Variants in ALDH1A2 observed in about 807,000 individuals in gnomAD.
The protein encoded by ALDH1A2 is retinal dehydrogenase 2.
ALDH1A2 carries 27 observed loss-of-function variants against 60.3 expected under a neutral mutation model. The ratio of observed to expected loss-of-function variants is 0.45; its 90% CI spans 0.33 to 0.62. The LOEUF (loss-of-function observed/expected upper bound fraction) is 0.62, where lower values mean the gene tolerates loss of function less well. Among genes scored for constraint, ALDH1A2 ranks in the 20% least tolerant of loss-of-function variants. The probability of loss-of-function intolerance (pLI) is 0.02; values close to 1 mark genes in which losing one functional copy is unlikely to be tolerated. For missense variants in ALDH1A2, 581 were observed against 643.8 expected, an observed-to-expected ratio of 0.90 and a Z score of 1.06; for synonymous variants, 289 against 232.4, an observed-to-expected ratio of 1.24 and a Z score of -2.21.
chr15:57,986,479 T>C (rs1894702698), intron 7 of ALDH1A2, among the ~76,000 whole-genome samples: 1 of 150,192 alleles, frequency 6.7e-6, no homozygotes, highest in South Asian at 2.1e-4. Context: ...AAAAAAAAGT[T>C]TGACATTCTT....
intron 1 of ALDH1A2, among the ~76,000 whole-genome samples, chr15:58,029,279 T>A (rs988940192): frequency 6.6e-6 from 1 of 152,172 alleles, no homozygotes; most frequent in Non-Finnish European, 1.5e-5. Flanking sequence ...CTGAACAACC[T>A]GCTCCTGAAT....
chr15:58,029,160 G>A (rs536189233), intron 1 of ALDH1A2, among the ~76,000 whole-genome samples: 1 of 152,182 alleles, frequency 6.6e-6, no homozygotes, highest in Non-Finnish European at 1.5e-5. Context: ...ACACTCCTCA[G>A]CAAATGTAAA....
chr15:57,970,345 C>A (rs1398980858), intron 7 of ALDH1A2, among the ~76,000 whole-genome samples: 2 of 152,172 alleles, frequency 1.3e-5, no homozygotes, highest in Non-Finnish European at 2.9e-5. Context: ...GAACTGGGGG[C>A]TCCTCCACAC....
intron 7 of ALDH1A2, among the ~76,000 whole-genome samples, chr15:57,988,933 C>G (rs1339769146): frequency 6.6e-6 from 1 of 152,154 alleles, no homozygotes; most frequent in East Asian, 1.9e-4. Context: ...TTTTGGGAGG[C>G]TGAGGCTGGT....
In ALDH1A2 at chr15:57,976,512, T is replaced by C. The variant is rs8032726; in HGVS notation, c.799-10685A>G. Among the ~76,000 whole-genome samples the C allele has an allele frequency of 2.4e-3, 365 of 152,258 alleles. 1 individual carries two copies. The highest frequency in any genetic ancestry group is 8.4e-3 in the African/African-American group (350 of 41,544). On this transcript the variant is annotated intron_variant, in intron 7 of 12. Transcript: ENST00000249750. Reference sequence around the variant, plus strand: ...ACTCTCACTTATGAATGAGAACATATGGTGTTTGGTTTTCTGTTTGTGTTA... The same window carrying C: ...ACTCTCACTTATGAATGAGAACATACGGTGTTTGGTTTTCTGTTTGTGTTA...
intron 7 of ALDH1A2, 56 bp downstream of exon 7, chr15:57,992,649 A>G (rs1894933892): frequency 4.7e-6 from 7 of 1,490,964 alleles, no homozygotes; most frequent in Non-Finnish European, 6.5e-6. Flanking sequence ...TGTTTTTGTA[A>G]CCCCTCAACT....
rs149278908 is a variant in ALDH1A2, at chr15:58,059,437, G to T, written c.117+6097C>A. 1.8e-4 allele frequency among the ~76,000 whole-genome samples: 28 copies of T among 152,232 alleles called. 1 individual carries two copies. In the East Asian group the frequency reaches 5.4e-3, roughly 29 times the overall value. On this transcript the variant is annotated intron_variant, in intron 1 of 12. Transcript: ENST00000249750. ...TCCATATGTTATCTTGGACAGTCAG[G>T]ACTAGTAAAAGTTTCTTCGTTTTTA... is the stretch of plus-strand genomic sequence containing the variant.
At chr15:58,017,879 T>C (rs1301331352) in intron 1 of ALDH1A2, among the ~76,000 whole-genome samples, 1 of 152,180 alleles carries the variant, frequency 6.6e-6, no homozygotes, top group Non-Finnish European at 1.5e-5. Flanking sequence ...TTTCCTGGTG[T>C]GCCAAAATTA....
intron 4 of ALDH1A2, among the ~76,000 whole-genome samples, chr15:58,003,534 A>AT (rs1448871437): frequency 2.0e-5 from 3 of 151,898 alleles, no homozygotes; most frequent in African/African-American, 7.2e-5. Context: ...TCGTAAGTCC[A>AT]TTTTAATATC....
intron 7 of ALDH1A2, among the ~76,000 whole-genome samples, chr15:57,985,155 G>C (rs1894654401): frequency 6.6e-6 from 1 of 152,100 alleles, no homozygotes; most frequent in Non-Finnish European, 1.5e-5. Context: ...CCAATGCCTT[G>C]ATGTGCATAT....
intron 1 of ALDH1A2, among the ~76,000 whole-genome samples, chr15:58,047,681 G>A (rs940929176): frequency 6.6e-6 from 1 of 151,934 alleles, no homozygotes; most frequent in Admixed American, 6.6e-5. Context: ...CCTATACAGA[G>A]TAAAACAATA....
intron 10 of ALDH1A2, 34 bp downstream of exon 10, chr15:57,961,978 G>C: frequency 6.2e-7 from 1 of 1,613,334 alleles, no homozygotes; most frequent in Non-Finnish European, 8.5e-7. Flanking sequence ...TCCCAAGAAA[G>C]ATGTGGCTTT....
At chr15:58,048,424 G>A (rs1015003075) in intron 1 of ALDH1A2, among the ~76,000 whole-genome samples, 14 of 152,062 alleles carry the variant, frequency 9.2e-5, no homozygotes, top group African/African-American at 3.4e-4. Context: ...TTCTGAAAGT[G>A]AAAGGACACA....
chr15:57,987,881 C>CAAA (rs34307559), intron 7 of ALDH1A2, among the ~76,000 whole-genome samples: 2 of 92,248 alleles, frequency 2.2e-5, no homozygotes, highest in East Asian at 3.5e-4. Flanking sequence ...GCTGACCCCT[C>CAAA]AAAAAAAAAA....
At chr15:57,985,896 G>A (rs1894685055) in intron 7 of ALDH1A2, among the ~76,000 whole-genome samples, 2 of 152,140 alleles carry the variant, frequency 1.3e-5, no homozygotes, top group East Asian at 1.9e-4. Flanking sequence ...GTAAAGTACT[G>A]CTTAAATATT....
At position 58,010,685 on chromosome 15, in the gene ALDH1A2, A is replaced by G; in HGVS notation, c.457T>C (p.Trp153Arg). ...GTCATCCCATGAATTTTATCAGCCC[A>G]GCCTGCGTAATATCGAAAGGTTTTG... ...VIKTFRYYAG[W>R]ADKIHGMTIP... Residue 153 changes from tryptophan (W) to arginine (R), a missense_variant, in exon 4 of 13, where the codon TGG (tryptophan) becomes CGG (arginine). Physicochemically the swap from Trp to Arg is moderately radical, Grantham distance 101. Around this residue, in one of 2 missense-constraint regions of ALDH1A2, gnomAD observed 375 missense variants for 469.7 expected, o/e 0.80. Coordinates refer to ENST00000249750, the MANE Select transcript of ALDH1A2 (RefSeq NM_003888.4). 6.2e-7 allele frequency: 1 copy of G among 1,613,522 alleles called. No individual in the cohort carries two copies. Among genetic ancestry groups the G allele is most frequent in the Non-Finnish European group, 8.5e-7 (1 of 1,179,538 alleles).
chr15:58,001,560 C>T (rs1384631563), intron 4 of ALDH1A2, among the ~76,000 whole-genome samples: 2 of 151,896 alleles, frequency 1.3e-5, no homozygotes, highest in Non-Finnish European at 2.9e-5. Flanking sequence ...TGTTAATTCT[C>T]CCTCTCATCT....
intron 1 of ALDH1A2, among the ~76,000 whole-genome samples, chr15:58,056,937 A>C (rs185032588): frequency 9.1e-4 from 138 of 152,242 alleles, no homozygotes; most frequent in Admixed American, 2.3e-3. Flanking sequence ...TGCTGGTGGG[A>C]TATACTGGAG....
chr15:58,054,543 T>C (rs528163902), intron 1 of ALDH1A2, among the ~76,000 whole-genome samples: 84 of 152,200 alleles, frequency 5.5e-4, no homozygotes, highest in African/African-American at 1.8e-3. Flanking sequence ...AGTAAGATGA[T>C]TGCTCATAAG....
Sources: allele counts gnomAD v4.1 joint callset (sites outside exome capture counted in the v4.1 genomes callset), GRCh38; gene constraint gnomAD v4.1.1; regional missense constraint gnomAD v4.1.1; transcripts MANE v1.5; gene names NCBI Gene and HGNC (gene_info 2026-07-23, HGNC 2026-07-21).